The following TGFA variants were observed in gnomAD, a reference collection of about 807,000 sequenced individuals.
TGFA encodes transforming growth factor alpha, also known as protransforming growth factor alpha.
A neutral mutation model predicts 21.7 loss-of-function variants in TGFA; 12 were observed. That is an observed-to-expected ratio of 0.55 (90% CI 0.35 to 0.90). TGFA has a LOEUF of 0.90. Ranked by LOEUF, TGFA falls within the 40% of genes least tolerant of loss-of-function variation. The pLI, the probability that TGFA is intolerant of heterozygous loss-of-function variation, is 0.01. For missense variants in TGFA, 178 were observed against 210.8 expected (o/e 0.84, Z 0.96); for synonymous variants, 79 against 88.1 (o/e 0.90, Z 0.58).
chr2:70,453,381 G>GTGGTA, intron 4 of TGFA, 54 bp from the exon 5 acceptor site: 5 of 1,544,486 alleles, frequency 3.2e-6, no homozygotes, highest in Non-Finnish European at 4.4e-6. Flanking sequence ...GAGGGCCAGG[G>GTGGTA]TGGTACAGCA....
intron 2 of TGFA, among the ~76,000 whole-genome samples, chr2:70,493,546 T>C (rs1298562292): frequency 2.6e-5 from 4 of 152,090 alleles, no homozygotes; most frequent in African/African-American, 4.8e-5. Context: ...CACAGTACCC[T>C]CTGAAATGTT....
intron 1 of TGFA, among the ~76,000 whole-genome samples, chr2:70,549,232 T>C (rs1673408059): frequency 6.6e-6 from 1 of 152,208 alleles, no homozygotes; most frequent in African/African-American, 2.4e-5. Context: ...GCAAGAGGGC[T>C]AACTCTGTCC....
chr2:70,462,802 T>C (rs1406735246), intron 3 of TGFA, among the ~76,000 whole-genome samples: 1 of 152,080 alleles, frequency 6.6e-6, no homozygotes, highest in African/African-American at 2.4e-5. Context: ...GAGGTGTAAT[T>C]GCTTGCATGG....
intron 2 of TGFA, among the ~76,000 whole-genome samples, chr2:70,468,962 G>A (rs1437055236): frequency 6.6e-6 from 1 of 152,174 alleles, no homozygotes; most frequent in Non-Finnish European, 1.5e-5. Context: ...CCATGCAACT[G>A]GTCCCTGGTG....
chr2:70,467,514 C>T (rs1468808514), intron 2 of TGFA: 1 of 152,188 alleles, frequency 6.6e-6, no homozygotes, highest in Admixed American at 6.5e-5. Flanking sequence ...TTTCCACTCC[C>T]ATTTTGTCCA....
chr2:70,497,037 G>C (rs1353258578), intron 2 of TGFA, among the ~76,000 whole-genome samples: 1 of 152,186 alleles, frequency 6.6e-6, no homozygotes, highest in Non-Finnish European at 1.5e-5. Context: ...GGAAAAACTG[G>C]GGAAAGAGCA....
At chr2:70,517,327 T>C (rs7571251) in intron 1 of TGFA, among the ~76,000 whole-genome samples, 23,307 of 152,230 alleles carry the variant, frequency 0.15, 3,321 homozygotes, top group African/African-American at 0.38. Context: ...GATCCATGCC[T>C]AGCATCAGCT....
rs782179034 is a variant in TGFA at position 70,456,437 on chromosome 2, G to C, written c.267C>G (p.Ala89=). The stretch of plus-strand genomic sequence containing the variant: ...GCTTCTTCTGGCTGGCAGCCACCAC[G>C]GCCAGGAGGTCCGCATGCTCACAGC... The part of the protein sequence containing the change: ...GARCEHADLL[A]VVAASQKKQA... Residue 89 remains alanine (A), a synonymous_variant, in exon 4 of 6, where the codon GCC becomes GCG. Coordinates refer to ENST00000295400, the MANE Select transcript of TGFA (RefSeq NM_003236.4). 6.2e-7 allele frequency: 1 copy of C among 1,606,738 alleles called. No individual in the cohort carries two copies. Among genetic ancestry groups the C allele is most frequent in the Non-Finnish European group, 8.5e-7 (1 of 1,176,864 alleles).
intron 1 of TGFA, among the ~76,000 whole-genome samples, chr2:70,521,629 T>TTG (rs1269036921): frequency 7.2e-6 from 1 of 139,242 alleles, no homozygotes; most frequent in African/African-American, 2.7e-5. Flanking sequence ...TTTTTTTTTT[T>TTG]TTTTTTTTTG....
chr2:70,528,799 T>C (rs1672720691), intron 1 of TGFA, among the ~76,000 whole-genome samples: 1 of 152,176 alleles, frequency 6.6e-6, no homozygotes, highest in African/African-American at 2.4e-5. Flanking sequence ...GTAGTTTAAT[T>C]CAACTTCTTG....
chr2:70,448,005 G>A lies in TGFA; in HGVS notation c.*2854C>T. 1 of 152,188 alleles carries A rather than the reference G, an allele frequency of 6.6e-6. No homozygotes were observed. Among genetic ancestry groups the A allele is most frequent in the East Asian group, 1.9e-4 (1 of 5,196 alleles). 9.4% of individuals were successfully genotyped at this position (152,188 alleles called of 1,614,324 possible). On this transcript the variant is annotated 3_prime_UTR_variant, in exon 6 of 6. Transcript: ENST00000295400. Reference sequence around the variant, plus strand: ...CACAATCCCTTGAGAAGCTCCAGAAGCACAAATTCTCCTCCCTTACCAGTG... The same window carrying A: ...CACAATCCCTTGAGAAGCTCCAGAAACACAAATTCTCCTCCCTTACCAGTG...
chr2:70,501,313 A>C (rs1195946228), intron 2 of TGFA, among the ~76,000 whole-genome samples: 4 of 150,694 alleles, frequency 2.7e-5, no homozygotes, highest in Admixed American at 2.6e-4. Context: ...AAGAGAGGAC[A>C]GCCTGCATCC....
intron 1 of TGFA, among the ~76,000 whole-genome samples, chr2:70,548,048 T>C (rs570657559): frequency 1.3e-5 from 2 of 151,276 alleles, no homozygotes; most frequent in South Asian, 4.2e-4. Context: ...TGTGAAGACA[T>C]TAAATTATAA....
Position 70,448,769 on chromosome 2 carries a change from T to A in TGFA, c.*2090A>T, listed in dbSNP as rs1031273537. ...TATATGTGAGGCCTCTCACTGCATG[T>A]GTGTTACAGGCATAAGGATGAGGGC... On this transcript the variant is annotated 3_prime_UTR_variant, in exon 6 of 6. Transcript: ENST00000295400. 2 of 152,198 alleles carry A rather than the reference T, an allele frequency of 1.3e-5. No individual in the cohort carries two copies. The highest frequency in any genetic ancestry group is 4.8e-5 in the African/African-American group (2 of 41,444). 9.4% of individuals were successfully genotyped at this position (152,198 alleles called of 1,614,324 possible).
intron 2 of TGFA, among the ~76,000 whole-genome samples, chr2:70,499,029 A>T (rs978607297): frequency 1.3e-5 from 2 of 152,148 alleles, no homozygotes; most frequent in Admixed American, 6.5e-5. Context: ...AAAACTCCCC[A>T]GGTAATTCTA....
At chr2:70,541,800 C>A (rs1184189573) in intron 1 of TGFA, among the ~76,000 whole-genome samples, 1 of 152,146 alleles carries the variant, frequency 6.6e-6, no homozygotes, top group African/African-American at 2.4e-5. Context: ...AAAAACTGCT[C>A]AGGCCCCAGG....
In TGFA at chr2:70,493,269, G is replaced by A. The variant is rs543443875; in HGVS notation, c.94+21590C>T. 8.5e-5 allele frequency among the ~76,000 whole-genome samples: 13 copies of A among 152,344 alleles called. No individual in the cohort carries two copies. The South Asian group carries it at 2.7e-3, about 32-fold the overall frequency. On this transcript the variant is annotated intron_variant, in intron 2 of 5. Coordinates refer to ENST00000295400, the MANE Select transcript of TGFA (RefSeq NM_003236.4). ...CTATGGGCCAGAGAGCATGTGAGGAGACTCAGGAGGCCCACCTTCCCTTCT... is the reference window on the plus strand; with the variant it reads ...CTATGGGCCAGAGAGCATGTGAGGAAACTCAGGAGGCCCACCTTCCCTTCT...
intron 2 of TGFA, among the ~76,000 whole-genome samples, chr2:70,489,959 C>A (rs1239890285): frequency 7.2e-5 from 11 of 152,180 alleles, no homozygotes; most frequent in Non-Finnish European, 1.3e-4. Context: ...ATTGCAGTCA[C>A]CTTGGAAAAG....
intron 2 of TGFA, among the ~76,000 whole-genome samples, chr2:70,476,026 C>T (rs1443748097): frequency 6.8e-6 from 1 of 147,570 alleles, no homozygotes; most frequent in Non-Finnish European, 1.5e-5. Flanking sequence ...CCCATTTCTC[C>T]AGCTCCCAGG....
Sources: gnomAD v4.1 joint callset for allele counts (sites outside exome capture counted in the v4.1 genomes callset) on GRCh38, gnomAD v4.1.1 for gene constraint, MANE v1.5 for transcripts, NCBI Gene and HGNC (gene_info 2026-07-23, HGNC 2026-07-21) for gene names.